The following NGRN variants were observed in gnomAD, a reference collection of about 807,000 sequenced individuals.
NGRN encodes the protein neugrin.
NGRN carries 12 observed loss-of-function variants against 13.1 expected under a neutral mutation model. The ratio of observed to expected loss-of-function variants is 0.92; its 90% CI spans 0.59 to 1.49. The LOEUF is 1.49. NGRN is among the 40% of genes most tolerant of loss of function. The pLI is 0.00. For missense variants in NGRN, 397 were observed against 357.0 expected (o/e 1.11, Z -0.90); for synonymous variants, 149 against 145.8 (o/e 1.02, Z -0.16).
intron 1 of NGRN, 98 bp downstream of exon 1, chr15:90,265,974 G>T (rs1410354096): frequency 7.0e-6 from 10 of 1,422,076 alleles, no homozygotes; most frequent in Non-Finnish European, 9.1e-6. Context: ...GCCGCTGCTT[G>T]CGCAGCGGCC....
In NGRN at chr15:90,266,416, T is replaced by G; in HGVS notation, c.275+18T>G. The G allele has an allele frequency of 6.3e-7, 1 of 1,592,814 alleles. No individual in the cohort carries two copies. Among genetic ancestry groups the G allele is most frequent in the Non-Finnish European group, 8.6e-7 (1 of 1,164,678 alleles). On this transcript the variant is annotated intron_variant, in intron 2 of 2. Transcript: ENST00000379095. ...CAGATACGGTGAGACTCAGGATACC[T>G]TGTTTGTATCCGCTGTGATGAGAAG...
chr15:90,271,228 A>G lies in NGRN; in HGVS notation c.316A>G (p.Arg106Gly), dbSNP rs1420435997. ...ATTTCCAGAGTCCTGGTCAGTTCCC[A>G]GGTTGGCTGAAGGCTTTGATGTCAG... ...EEFPESWSVP[R>G]LAEGFDVSTD... Residue 106 changes from arginine (R) to glycine (G), a missense_variant, in exon 3 of 3, where the codon AGG (arginine) becomes GGG (glycine). By Grantham distance (125) the Arg-to-Gly change is moderately radical. Coordinates refer to ENST00000379095, the MANE Select transcript of NGRN (RefSeq NM_001033088.3). 1.2e-6 allele frequency: 2 copies of G among 1,614,140 alleles called. No homozygotes were observed. The highest frequency in any genetic ancestry group is 1.7e-6 in the Non-Finnish European group (2 of 1,180,022).
At chr15:90,266,000 C>A in intron 1 of NGRN, 124 bp downstream of exon 1, 1 of 1,418,870 alleles carries the variant, frequency 7.0e-7, no homozygotes, top group East Asian at 2.7e-5. Context: ...TTCTTCTTAC[C>A]CGTTGTTAGG....
intron 2 of NGRN, among the ~76,000 whole-genome samples, 189 bp downstream of exon 2, chr15:90,266,587 A>G (rs1205514474): frequency 6.6e-6 from 1 of 152,132 alleles, no homozygotes; most frequent in Non-Finnish European, 1.5e-5. Context: ...TAGATTTAAT[A>G]GTGTTTTGTT....
At chr15:90,265,915 C>A in intron 1 of NGRN, 39 bp downstream of exon 1, 1 of 1,452,284 alleles carries the variant, frequency 6.9e-7, no homozygotes, top group Non-Finnish European at 9.0e-7. Context: ...TGAAGCAGGG[C>A]CTCGTGCCCC....
intron 2 of NGRN, among the ~76,000 whole-genome samples, chr15:90,270,224 A>G (rs1963484500): frequency 6.6e-6 from 1 of 152,118 alleles, no homozygotes; most frequent in South Asian, 2.1e-4. Flanking sequence ...TATCTGTGGC[A>G]TTCCACTGCT....
At chr15:90,267,108 T>C (rs1157088611) in intron 2 of NGRN, among the ~76,000 whole-genome samples, 1 of 151,568 alleles carries the variant, frequency 6.6e-6, no homozygotes, top group Non-Finnish European at 1.5e-5. Flanking sequence ...CACCGGTCAC[T>C]GCAGCCTCTA....
intron 2 of NGRN, among the ~76,000 whole-genome samples, chr15:90,268,393 GA>G (rs869079566): frequency 9.1e-4 from 34 of 37,496 alleles, no homozygotes; most frequent in African/African-American, 3.0e-3. Flanking sequence ...CTTTTAAGAG[GA>G]AAAAAAAAAA....
chr15:90,271,856 G>A lies in NGRN; in HGVS notation c.*68G>A, dbSNP rs1963511079. 2 of 1,564,396 alleles carry A rather than the reference G, an allele frequency of 1.3e-6. No homozygotes were observed. The highest frequency in any genetic ancestry group is 1.7e-6 in the Non-Finnish European group (2 of 1,154,600). ...GGCAAGTATTAATGTATATGGAACA[G>A]CCTGGATTTCTGCATATGGATAAGC... On this transcript the variant is annotated 3_prime_UTR_variant, in exon 3 of 3. Transcript: ENST00000379095.
rs1302710225 is a variant in NGRN at position 90,271,545 on chromosome 15, TAAAG to T, written c.637_640del (p.Glu213SerfsTer15). On this transcript the variant is annotated frameshift_variant, in exon 3 of 3. Coordinates refer to ENST00000379095, the MANE Select transcript of NGRN (RefSeq NM_001033088.3). LOFTEE classifies it low-confidence loss of function (END_TRUNC). ...CACCAAGGAGAAGGAAGGGAAGAAATAAAGAAATCCAGGACCTGGAGGAGAGCTT... is the reference window on the plus strand; with the variant it reads ...CACCAAGGAGAAGGAAGGGAAGAAATAAATCCAGGACCTGGAGGAGAGCTT... The T allele has an allele frequency of 4.3e-6, 7 of 1,613,588 alleles. No homozygotes were observed. The highest frequency in any genetic ancestry group is 5.9e-6 in the Non-Finnish European group (7 of 1,179,980).
chr15:90,267,151 C>A (rs1482245799), intron 2 of NGRN, among the ~76,000 whole-genome samples: 1 of 151,904 alleles, frequency 6.6e-6, no homozygotes, highest in African/African-American at 2.4e-5. Flanking sequence ...CCCACTTCGT[C>A]CTCCCAAGTA....
chr15:90,267,548 C>T (rs1963444871), intron 2 of NGRN, among the ~76,000 whole-genome samples: 1 of 152,166 alleles, frequency 6.6e-6, no homozygotes, highest in African/African-American at 2.4e-5. Flanking sequence ...ACTATGATGA[C>T]CAGGCTGGTC....
intron 2 of NGRN, 64 bp from the exon 3 acceptor site, chr15:90,271,124 G>T (rs1963495020): frequency 1.3e-6 from 2 of 1,547,596 alleles, no homozygotes; most frequent in South Asian, 1.2e-5. Flanking sequence ...CATAGGTATT[G>T]CGAGTTAGAT....
rs767205069 is a variant in NGRN at position 90,271,311 on chromosome 15, G to T, written c.399G>T (p.Lys133Asn). 3 of 1,614,140 alleles carry T rather than the reference G, an allele frequency of 1.9e-6. No homozygotes were observed. The highest frequency in any genetic ancestry group is 2.5e-6 in the Non-Finnish European group (3 of 1,180,046). Residue 133 changes from lysine (K) to asparagine (N), a missense_variant, in exon 3 of 3, where the codon AAG becomes AAT. By Grantham distance (94) the Lys-to-Asn change is moderately conservative. Coordinates refer to ENST00000379095, the MANE Select transcript of NGRN (RefSeq NM_001033088.3). ...AGTTTTTACCCACATTGGAGCAGAA[G>T]CTGAAGCAGGATCAAAAAGTCCTTA... The part of the protein sequence containing the change: ...KSKFLPTLEQ[K>N]LKQDQKVLKK...
rs1963404011 is a variant in NGRN at position 90,265,780 on chromosome 15, C to T, written c.68C>T (p.Ala23Val). The T allele has an allele frequency of 6.8e-6, 11 of 1,612,956 alleles. No homozygotes were observed. In the East Asian group the frequency reaches 2.5e-4, roughly 36 times the overall value. The change falls in exon 1 of 3, where the codon GCG becomes GTG. Residue 23 changes from alanine (A) to valine (V), a missense_variant. By Grantham distance (64) the Ala-to-Val change is moderately conservative (BLOSUM62 0). Transcript: ENST00000379095. ...GCCGCCGTCACTCGCTGTGGGTTCG[C>T]GACCCGGGGGGTGGCGGGCCCAGGC... is the stretch of plus-strand genomic sequence containing the variant. Reference protein sequence around the residue: ...VCAAVTRCGFATRGVAGPGPI... With the variant: ...VCAAVTRCGFVTRGVAGPGPI...
At chr15:90,266,134 TG>T (rs1596199804) in intron 1 of NGRN, 153 bp from the exon 2 acceptor site, 1 of 1,450,738 alleles carries the variant, frequency 6.9e-7, no homozygotes, top group East Asian at 2.5e-5. Flanking sequence ...GTTAGCTTTC[TG>T]GGTGTACGGA....
At chr15:90,266,235 A>G (rs1376858456) in intron 1 of NGRN, 53 bp from the exon 2 acceptor site, 8 of 1,573,414 alleles carry the variant, frequency 5.1e-6, no homozygotes, top group Non-Finnish European at 6.9e-6. Context: ...AGGCTCTTCA[A>G]ACATCCATTC....
At chr15:90,267,543 G>A (rs1430730673) in intron 2 of NGRN, among the ~76,000 whole-genome samples, 1 of 152,160 alleles carries the variant, frequency 6.6e-6, no homozygotes, top group Non-Finnish European at 1.5e-5. Context: ...GTCTCACTAT[G>A]ATGACCAGGC....
intron 2 of NGRN, among the ~76,000 whole-genome samples, chr15:90,269,270 C>T (rs1020868158): frequency 1.3e-5 from 2 of 149,138 alleles, no homozygotes; most frequent in Non-Finnish European, 3.0e-5. Context: ...CTGCCTTAGC[C>T]TCCCAAAAGT....
Sources: gnomAD v4.1 joint callset for allele counts (sites outside exome capture counted in the v4.1 genomes callset) on GRCh38, gnomAD v4.1.1 for gene constraint, MANE v1.5 for transcripts, NCBI Gene and HGNC (gene_info 2026-07-23, HGNC 2026-07-21) for gene names.